The following CNTNAP2 variants were observed in gnomAD, a reference collection of about 807,000 sequenced individuals.
The protein encoded by CNTNAP2 is contactin-associated protein-like 2.
A neutral mutation model predicts 155.2 loss-of-function variants in CNTNAP2; 98 were observed. The ratio of observed to expected loss-of-function variants is 0.63; its 90% CI spans 0.54 to 0.75. The LOEUF is 0.75. Ranked by LOEUF, CNTNAP2 falls within the 30% of genes least tolerant of loss-of-function variation. CNTNAP2 has a pLI of 0.00. For missense variants in CNTNAP2, 1,727 were observed against 1,688.1 expected, an observed-to-expected ratio of 1.02 and a Z score of -0.40; for synonymous variants, 651 against 631.2, an observed-to-expected ratio of 1.03 and a Z score of -0.47.
intron 1 of CNTNAP2, among the ~76,000 whole-genome samples, chr7:146,587,526 T>A (rs1798712167): frequency 6.6e-6 from 1 of 152,116 alleles, no homozygotes; most frequent in African/African-American, 2.4e-5. Flanking sequence ...TAATCACATT[T>A]TAGTGTGATT....
intron 8 of CNTNAP2, among the ~76,000 whole-genome samples, chr7:147,176,785 A>C (rs1434250348): frequency 8.0e-6 from 1 of 124,226 alleles, no homozygotes; most frequent in Non-Finnish European, 1.6e-5. Context: ...ATATATAATT[A>C]TAATTATATA....
At chr7:147,063,874 T>C (rs756579850) in intron 4 of CNTNAP2, among the ~76,000 whole-genome samples, 9 of 152,122 alleles carry the variant, frequency 5.9e-5, no homozygotes, top group African/African-American at 9.7e-5. Context: ...AAAAATCTTA[T>C]CTAGTCACAG....
intron 10 of CNTNAP2, among the ~76,000 whole-genome samples, chr7:147,478,749 C>T (rs1337324997): frequency 6.6e-6 from 1 of 152,130 alleles, no homozygotes; most frequent in Non-Finnish European, 1.5e-5. Flanking sequence ...AGCCACAGGG[C>T]CATGTAACTT....
At chr7:146,397,444 A>G (rs1032567284) in intron 1 of CNTNAP2, among the ~76,000 whole-genome samples, 2 of 152,116 alleles carry the variant, frequency 1.3e-5, no homozygotes, top group African/African-American at 4.8e-5. Flanking sequence ...TTGTTATTTT[A>G]ATTTATAGGA....
At chr7:148,107,726 A>G (rs562325543) in intron 15 of CNTNAP2, among the ~76,000 whole-genome samples, 1 of 152,356 alleles carries the variant, frequency 6.6e-6, no homozygotes, top group South Asian at 2.1e-4. Context: ...CTCACAGGAA[A>G]CAATAGAAGG....
chr7:147,047,275 AT>A (rs35453952), intron 4 of CNTNAP2, among the ~76,000 whole-genome samples: 47,362 of 111,272 alleles, frequency 0.43, 10,092 homozygotes, highest in African/African-American at 0.65. Context: ...CGCCCGGCTA[AT>A]TTTTTTTTTT....
At chr7:148,161,448 T>C (rs2116674600) in intron 17 of CNTNAP2, among the ~76,000 whole-genome samples, 1 of 152,292 alleles carries the variant, frequency 6.6e-6, no homozygotes. Flanking sequence ...CCTGGAAAGT[T>C]GAGGGGGCAA....
At chr7:146,730,336 G>T (rs1462040716) in intron 1 of CNTNAP2, among the ~76,000 whole-genome samples, 1 of 151,910 alleles carries the variant, frequency 6.6e-6, no homozygotes, top group African/African-American at 2.4e-5. Flanking sequence ...ATTGCTCCAT[G>T]TCCTCCTTGT....
Position 147,599,950 on chromosome 7 carries a change from A to G in CNTNAP2, c.1897+37693A>G, listed in dbSNP as rs1584844663. On this transcript the variant is annotated intron_variant, in intron 12 of 23. Transcript: ENST00000361727. ...CTTGTATTCAGTTATATCAGGTAAT[A>G]CCATTAAGTGTTTCTTAAGCTTTTA... Among the ~76,000 whole-genome samples, 8 of 152,350 alleles carry G rather than the reference A, an allele frequency of 5.3e-5. No individual in the cohort carries two copies. In the South Asian group the frequency reaches 1.7e-3, roughly 32 times the overall value.
intron 3 of CNTNAP2, among the ~76,000 whole-genome samples, chr7:146,988,914 GT>G (rs1798162580): frequency 6.6e-6 from 1 of 152,174 alleles, no homozygotes; most frequent in African/African-American, 2.4e-5. Context: ...GGAGCCCTGT[GT>G]TTTTCAGCTT....
intron 18 of CNTNAP2, among the ~76,000 whole-genome samples, chr7:148,202,518 G>A (rs1209316943): frequency 6.6e-6 from 1 of 152,124 alleles, no homozygotes; most frequent in South Asian, 2.1e-4. Context: ...ATAGAAGCCT[G>A]AATTTATTTC....
At chr7:146,448,143 A>G (rs2129121586) in intron 1 of CNTNAP2, among the ~76,000 whole-genome samples, 1 of 152,182 alleles carries the variant, frequency 6.6e-6, no homozygotes, top group African/African-American at 2.4e-5. Flanking sequence ...ATACATATTT[A>G]ATGATTGAGA....
chr7:147,707,364 T>G (rs1438418825), intron 13 of CNTNAP2, among the ~76,000 whole-genome samples: 1 of 152,216 alleles, frequency 6.6e-6, no homozygotes, highest in Non-Finnish European at 1.5e-5. Flanking sequence ...GTAATCACTG[T>G]GTGATTTATT....
chr7:147,169,758 T>C (rs1218419058), intron 8 of CNTNAP2, among the ~76,000 whole-genome samples: 4 of 152,110 alleles, frequency 2.6e-5, no homozygotes, highest in Admixed American at 2.6e-4. Context: ...GATAGACCAA[T>C]ATCAACTTCT....
intron 13 of CNTNAP2, among the ~76,000 whole-genome samples, chr7:147,816,532 AATTTTAAAAAT>A (rs1450867101): frequency 6.6e-6 from 1 of 152,208 alleles, no homozygotes; most frequent in Non-Finnish European, 1.5e-5. Context: ...CTTGAGCTAG[AATTTTAAAAAT>A]AATGGAGATG....
intron 12 of CNTNAP2, chr7:147,638,854 T>TTA: frequency 1.6e-6 from 1 of 614,870 alleles, no homozygotes; most frequent in Non-Finnish European, 3.0e-6. Flanking sequence ...TTTTTTTTTT[T>TTA]CTTTTTTTGC....
chr7:147,179,011 C>A (rs751431722), intron 8 of CNTNAP2, among the ~76,000 whole-genome samples: 1 of 152,062 alleles, frequency 6.6e-6, no homozygotes. Flanking sequence ...CAGGGGCTAG[C>A]TGAGCACTCA....
intron 1 of CNTNAP2, among the ~76,000 whole-genome samples, chr7:146,164,633 A>AGTG (rs1341915477): frequency 2.0e-5 from 3 of 152,216 alleles, no homozygotes; most frequent in African/African-American, 7.2e-5. Context: ...TGGCTAAAGA[A>AGTG]GTGGTCTCTT....
At chr7:146,228,956 A>G (rs1268456598) in intron 1 of CNTNAP2, among the ~76,000 whole-genome samples, 7 of 152,160 alleles carry the variant, frequency 4.6e-5, no homozygotes, top group African/African-American at 1.7e-4. Flanking sequence ...ATCTTATGTA[A>G]TTATCTTTCG....
Sources: gnomAD v4.1 joint callset for allele counts (sites outside exome capture counted in the v4.1 genomes callset) on GRCh38, gnomAD v4.1.1 for gene constraint, MANE v1.5 for transcripts, NCBI Gene and HGNC (gene_info 2026-07-23, HGNC 2026-07-21) for gene names.